CDH6: variants seen among roughly 807,000 people sequenced by gnomAD.
CDH6 encodes cadherin-6.
Under a neutral mutation model 78.0 loss-of-function variants are expected in CDH6, and 31 were observed. The ratio of observed to expected loss-of-function variants is 0.40; its 90% confidence interval spans 0.30 to 0.54. CDH6 has a LOEUF of 0.54. Among genes scored for constraint, CDH6 ranks in the 20% least tolerant of loss-of-function variants. The probability of loss-of-function intolerance (pLI) is 0.56; values close to 1 mark genes in which losing one functional copy is unlikely to be tolerated. For missense variants in CDH6, 724 were observed against 975.9 expected, an observed-to-expected ratio of 0.74 and a Z score of 3.44; for synonymous variants, 376 against 368.8, an observed-to-expected ratio of 1.02 and a Z score of -0.23.
Position 31,294,728 on chromosome 5 carries a change from T to G in CDH6, c.523+472T>G, listed in dbSNP as rs760900830. On this transcript the variant is annotated intron_variant, in intron 3 of 11. Transcript: ENST00000265071. This position sits in a 1 kb window ranked among gnomAD's most constrained non-coding sequence, Gnocchi z 4.1. ...TGGGAAGGAGATCAAAGAACTTTTT[T>G]TAATCCATAAACAATAGGCACGTTA... Among the ~76,000 whole-genome samples, 2 of 152,242 alleles carry G rather than the reference T, an allele frequency of 1.3e-5. No homozygotes were observed. Among genetic ancestry groups the G allele is most frequent in the Non-Finnish European group, 2.9e-5 (2 of 68,038 alleles).
chr5:31,280,435 G>C (rs753498628), intron 2 of CDH6, among the ~76,000 whole-genome samples: 1 of 152,100 alleles, frequency 6.6e-6, no homozygotes, highest in South Asian at 2.1e-4. Flanking sequence ...TTCCTTTTGC[G>C]TGTAAGCAAA....
In CDH6 at chr5:31,267,581, G is replaced by A; in HGVS notation, c.108G>A (p.Arg36=). The change falls in exon 2 of 12, where the codon AGG becomes AGA. Residue 36 remains arginine (R), a synonymous_variant. Transcript: ENST00000265071. ...CTAGTGGTTTCCCAGCAAAGAAAAG[G>A]GCCCTGGAGCTCTCTGGAAACAGCA... is the stretch of plus-strand genomic sequence containing the variant. The part of the protein sequence containing the change: ...KRTSGFPAKK[R]ALELSGNSKN... 6.2e-7 allele frequency: 1 copy of A among 1,614,066 alleles called. No individual in the cohort carries two copies. Among genetic ancestry groups the A allele is most frequent in the Non-Finnish European group, 8.5e-7 (1 of 1,180,004 alleles).
At chr5:31,297,771 C>T (rs1737654376) in intron 4 of CDH6, among the ~76,000 whole-genome samples, 3 of 152,122 alleles carry the variant, frequency 2.0e-5, no homozygotes, top group African/African-American at 7.2e-5. Flanking sequence ...CTATTCTGCT[C>T]TGAAATTAGA....
At chr5:31,214,673 T>A (rs909335886) in intron 1 of CDH6, among the ~76,000 whole-genome samples, 1 of 152,252 alleles carries the variant, frequency 6.6e-6, no homozygotes, top group Non-Finnish European at 1.5e-5. Context: ...TGATTGCAGA[T>A]AAATTTTGAC....
chr5:31,247,849 A>T (rs1741795938), intron 1 of CDH6, among the ~76,000 whole-genome samples: 1 of 152,184 alleles, frequency 6.6e-6, no homozygotes, highest in Non-Finnish European at 1.5e-5. Flanking sequence ...GCTGACTCTA[A>T]TTGCATTAGC....
chr5:31,260,674 T>A (rs1448564312), intron 1 of CDH6, among the ~76,000 whole-genome samples: 1 of 152,210 alleles, frequency 6.6e-6, no homozygotes, highest in Non-Finnish European at 1.5e-5. Flanking sequence ...TCCACAAATA[T>A]AAACATTTAC....
intron 1 of CDH6, among the ~76,000 whole-genome samples, chr5:31,209,768 C>A (rs1043465595): frequency 6.6e-6 from 1 of 152,114 alleles, no homozygotes; most frequent in African/African-American, 2.4e-5. Context: ...AGTGATATAA[C>A]CAAAATTTCA....
chr5:31,304,676 T>G (rs1737928523), intron 6 of CDH6, among the ~76,000 whole-genome samples: 1 of 94,308 alleles, frequency 1.1e-5, no homozygotes, highest in South Asian at 4.3e-4. Flanking sequence ...AGAGCGAGAC[T>G]CCGTCTCAAA....
At chr5:31,279,365 C>T (rs1033508261) in intron 2 of CDH6, among the ~76,000 whole-genome samples, 1 of 151,936 alleles carries the variant, frequency 6.6e-6, no homozygotes, top group African/African-American at 2.4e-5. Context: ...CCCAGAAGTG[C>T]CAGACCAGCC....
chr5:31,262,156 A>G (rs567236105), intron 1 of CDH6, among the ~76,000 whole-genome samples: 1 of 152,352 alleles, frequency 6.6e-6, no homozygotes, highest in Admixed American at 6.5e-5. Flanking sequence ...TGAATTAATA[A>G]GGCCCAGGCT....
intron 1 of CDH6, among the ~76,000 whole-genome samples, chr5:31,240,887 T>A (rs1213210077): frequency 2.0e-5 from 3 of 152,194 alleles, no homozygotes; most frequent in African/African-American, 7.2e-5. Context: ...TCCTACCCTA[T>A]CCATAACAAC....
intron 1 of CDH6, among the ~76,000 whole-genome samples, chr5:31,211,802 T>G (rs1022165526): frequency 6.6e-6 from 1 of 152,232 alleles, no homozygotes; most frequent in African/African-American, 2.4e-5. Flanking sequence ...TGCCACGGTG[T>G]GAGTTCACCT....
At chr5:31,218,563 G>A (rs1470204149) in intron 1 of CDH6, among the ~76,000 whole-genome samples, 3 of 152,152 alleles carry the variant, frequency 2.0e-5, no homozygotes, top group Non-Finnish European at 4.4e-5. Flanking sequence ...CCCAGGGTAA[G>A]CTCTGGGTTC....
chr5:31,207,321 T>C (rs1740555031), intron 1 of CDH6, among the ~76,000 whole-genome samples: 1 of 152,218 alleles, frequency 6.6e-6, no homozygotes, highest in Non-Finnish European at 1.5e-5. Flanking sequence ...GAGTTGAATG[T>C]GTTGACACTC....
rs927134092 is a variant in CDH6, at chr5:31,256,485, C to G, written c.-128-10861C>G. ...GAAAGAGCAAAATAAAGTGTAACTC[C>G]GACTCCATGGAGAGCTTGCCTAATT... On this transcript the variant is annotated intron_variant, in intron 1 of 11. Transcript: ENST00000265071. 2.0e-5 allele frequency among the ~76,000 whole-genome samples: 3 copies of G among 152,246 alleles called. No homozygotes were observed. In the South Asian group the frequency reaches 6.2e-4, roughly 32 times the overall value.
chr5:31,213,275 A>C (rs549918637), intron 1 of CDH6, among the ~76,000 whole-genome samples: 6 of 152,366 alleles, frequency 3.9e-5, no homozygotes, highest in Admixed American at 3.9e-4. Context: ...TCTCCCAAGC[A>C]GCACAAGTTG....
intron 1 of CDH6, among the ~76,000 whole-genome samples, chr5:31,225,997 A>G (rs904506751): frequency 6.6e-6 from 1 of 152,166 alleles, no homozygotes; most frequent in Non-Finnish European, 1.5e-5. Flanking sequence ...CAGGAGAAAC[A>G]TAGAGTCCTA....
At chr5:31,198,843 T>A (rs1740241947) in intron 1 of CDH6, among the ~76,000 whole-genome samples, 1 of 152,128 alleles carries the variant, frequency 6.6e-6, no homozygotes, top group Non-Finnish European at 1.5e-5. Flanking sequence ...ACTACTCATC[T>A]CTACCATAAA....
chr5:31,299,456 A>G lies in CDH6; in HGVS notation c.644-8A>G, dbSNP rs1226609739. ...ATCCCTTTGCACTCTTAAATTTCAC[A>G]TCCACAGGTATTATCAAGACAGCTT... On this transcript the variant is annotated splice_polypyrimidine_tract_variant and splice_region_variant and intron_variant, in intron 4 of 11. Coordinates refer to ENST00000265071, the MANE Select transcript of CDH6 (RefSeq NM_004932.4). 1 of 1,606,510 alleles carries G rather than the reference A, an allele frequency of 6.2e-7. No individual in the cohort carries two copies. Among genetic ancestry groups the G allele is most frequent in the South Asian group, 1.1e-5 (1 of 90,832 alleles).
Sources: gnomAD v4.1 joint callset for allele counts (sites outside exome capture counted in the v4.1 genomes callset) on GRCh38, gnomAD v4.1.1 for gene constraint, Gnocchi (gnomAD v3.1) non-coding constraint, MANE v1.5 for transcripts, NCBI Gene and HGNC (gene_info 2026-07-23, HGNC 2026-07-21) for gene names.